The following DGKB variants were observed in gnomAD, a reference collection of about 807,000 sequenced individuals.
DGKB encodes the protein diacylglycerol kinase beta, also known as 90 kDa diacylglycerol kinase.
A neutral mutation model predicts 114.3 loss-of-function variants in DGKB; 67 were observed. That is an observed-to-expected ratio of 0.59 (90% CI 0.48 to 0.72). The LOEUF (loss-of-function observed/expected upper bound fraction) is 0.72. Ranked by LOEUF, DGKB falls within the 30% of genes least tolerant of loss-of-function variation. The pLI is 0.00. For missense variants in DGKB, 907 were observed against 975.2 expected (o/e 0.93, Z 0.93); for synonymous variants, 398 against 323.1 (o/e 1.23, Z -2.49).
chr7:14,360,998 A>T (rs548981962), intron 21 of DGKB, among the ~76,000 whole-genome samples: 51 of 152,190 alleles, frequency 3.4e-4, no homozygotes, highest in South Asian at 1.9e-3. Context: ...CGAGAAAAAA[A>T]TTACACCTCT....
At chr7:14,639,511 G>T (rs577412197) in intron 13 of DGKB, among the ~76,000 whole-genome samples, 2 of 152,138 alleles carry the variant, frequency 1.3e-5, no homozygotes, top group African/African-American at 2.4e-5. Flanking sequence ...GCTTGCAGCC[G>T]TCCCTAAGAA....
chr7:14,853,366 A>G (rs1414371552), intron 1 of DGKB, among the ~76,000 whole-genome samples: 1 of 152,014 alleles, frequency 6.6e-6, no homozygotes, highest in East Asian at 1.9e-4. Context: ...CACCAAATAT[A>G]CCACTAAGAA....
intron 1 of DGKB, among the ~76,000 whole-genome samples, chr7:14,877,365 G>A (rs1428248812): frequency 6.6e-6 from 1 of 152,134 alleles, no homozygotes; most frequent in East Asian, 1.9e-4. Context: ...AGACTAGCCT[G>A]ACCAACATGG....
At chr7:14,796,628 G>T (rs1453768160) in intron 2 of DGKB, among the ~76,000 whole-genome samples, 1 of 150,188 alleles carries the variant, frequency 6.7e-6, no homozygotes, top group Non-Finnish European at 1.5e-5. Context: ...CAAAAGCAAA[G>T]ATCATTGTAA....
intron 23 of DGKB, chr7:14,191,095 A>T (rs372774465): frequency 6.3e-6 from 1 of 159,636 alleles, no homozygotes; most frequent in African/African-American, 2.4e-5. Flanking sequence ...TGCTTTGCGA[A>T]AAACGTGAAT....
chr7:14,835,688 GTCTC>G (rs142995377), intron 2 of DGKB, among the ~76,000 whole-genome samples: 1 of 151,756 alleles, frequency 6.6e-6, no homozygotes, highest in Non-Finnish European at 1.5e-5. Context: ...AGGAGGTCAA[GTCTC>G]TCTCTCTCTC....
At chr7:14,505,981 G>A (rs536625404) in intron 20 of DGKB, among the ~76,000 whole-genome samples, 26 of 151,704 alleles carry the variant, frequency 1.7e-4, no homozygotes, top group African/African-American at 5.8e-4. Context: ...GCCTAATATC[G>A]TCAAGTGTAA....
At chr7:14,585,470 A>G (rs1800602327) in intron 17 of DGKB, among the ~76,000 whole-genome samples, 1 of 152,156 alleles carries the variant, frequency 6.6e-6, no homozygotes, top group African/African-American at 2.4e-5. Context: ...AGATTCATTC[A>G]TGTTGTAGCT....
chr7:14,959,205 C>A (rs1281615168), intron 1 of DGKB, among the ~76,000 whole-genome samples: 2 of 151,886 alleles, frequency 1.3e-5, no homozygotes, highest in African/African-American at 4.8e-5. Flanking sequence ...TTATACATTT[C>A]ATCATATAAT....
rs117681001 is a variant in DGKB at position 14,474,441 on chromosome 7, G to A, written c.1835+3720C>T. On this transcript the variant is annotated intron_variant, in intron 21 of 25. Coordinates refer to ENST00000402815, the MANE Select transcript of DGKB (RefSeq NM_001350709.2). ...TCTCAGATATGTCTTTATCAGCAGC[G>A]TGAAAACAGAGTAATACACTGCCAA... Among the ~76,000 whole-genome samples, 612 of 152,242 alleles carry A rather than the reference G, an allele frequency of 4.0e-3. 6 individuals are homozygous for A. The East Asian group carries it at 0.041, about 10-fold the overall frequency.
intron 21 of DGKB, among the ~76,000 whole-genome samples, chr7:14,422,273 G>T (rs1451047777): frequency 6.6e-6 from 1 of 152,052 alleles, no homozygotes; most frequent in African/African-American, 2.4e-5. Flanking sequence ...CAAGGAAGGG[G>T]TAATAACTTT....
At chr7:14,735,441 C>G (rs1486457436) in intron 5 of DGKB, among the ~76,000 whole-genome samples, 1 of 152,112 alleles carries the variant, frequency 6.6e-6, no homozygotes, top group Non-Finnish European at 1.5e-5. Context: ...ACAGCTTAAC[C>G]AATTACACTG....
chr7:14,897,516 C>T (rs1440841378), intron 1 of DGKB, among the ~76,000 whole-genome samples: 1 of 151,854 alleles, frequency 6.6e-6, no homozygotes, highest in East Asian at 1.9e-4. Context: ...ACTATTGTCC[C>T]ACAAGAGCAA....
chr7:14,370,410 C>T lies in DGKB; in HGVS notation c.1836-25019G>A, dbSNP rs11981547. Among the ~76,000 whole-genome samples, 1,046 of 152,190 alleles carry T rather than the reference C, an allele frequency of 6.9e-3. 15 individuals are homozygous for T. Among genetic ancestry groups the T allele is most frequent in the African/African-American group, 0.024 (984 of 41,494 alleles). On this transcript the variant is annotated intron_variant, in intron 21 of 25. Coordinates refer to ENST00000402815, the MANE Select transcript of DGKB (RefSeq NM_001350709.2). ...CTTAGAATTGTCTGGGCTATAGGGGCTCTTTTTGGTTCCATATGAAATTTA... is the reference window on the plus strand; with the variant it reads ...CTTAGAATTGTCTGGGCTATAGGGGTTCTTTTTGGTTCCATATGAAATTTA...
intron 22 of DGKB, among the ~76,000 whole-genome samples, chr7:14,344,229 C>G (rs1165529942): frequency 6.6e-6 from 1 of 151,260 alleles, no homozygotes; most frequent in East Asian, 1.9e-4. Flanking sequence ...TGATCTGATC[C>G]TGTTATGAAG....
chr7:14,813,138 T>C (rs918051176), intron 2 of DGKB, among the ~76,000 whole-genome samples: 3 of 152,208 alleles, frequency 2.0e-5, no homozygotes, highest in African/African-American at 2.4e-5. Context: ...AGGAATTCAG[T>C]AATTTTATTA....
chr7:14,908,459 T>G (rs1028127925), intron 1 of DGKB, among the ~76,000 whole-genome samples: 7 of 152,162 alleles, frequency 4.6e-5, no homozygotes, highest in African/African-American at 1.7e-4. Context: ...ATGTCAGTTT[T>G]GAAAGAGAAC....
chr7:14,281,410 T>C (rs1799931023), intron 23 of DGKB, among the ~76,000 whole-genome samples: 2 of 132,616 alleles, frequency 1.5e-5, no homozygotes, highest in Non-Finnish European at 3.2e-5. Context: ...ACATTAATAA[T>C]GGGAGACTTT....
At chr7:14,694,259 C>A in intron 8 of DGKB, 65 bp from the exon 9 acceptor site, 1 of 1,428,602 alleles carries the variant, frequency 7.0e-7, no homozygotes, top group Non-Finnish European at 9.5e-7. Flanking sequence ...TAGGCTACAA[C>A]ATATGAAATT....
Sources: allele counts gnomAD v4.1 joint callset (sites outside exome capture counted in the v4.1 genomes callset), GRCh38; gene constraint gnomAD v4.1.1; transcripts MANE v1.5; gene names NCBI Gene and HGNC (gene_info 2026-07-23, HGNC 2026-07-21).